The following FRAS1 variants were observed in gnomAD, a reference collection of about 807,000 sequenced individuals.
The protein encoded by FRAS1 is extracellular matrix organizing protein FRAS1.
In FRAS1, 290 loss-of-function variants were observed where a neutral mutation model predicts 435.2. The ratio of observed to expected loss-of-function variants is 0.67; its 90% confidence interval spans 0.61 to 0.73. FRAS1 has a LOEUF of 0.73. FRAS1 is among the 30% of genes least tolerant of loss of function. The pLI is 0.00. For missense variants in FRAS1, 4,860 were observed against 5,001.5 expected (o/e 0.97, Z 0.85); for synonymous variants, 1,800 against 1,851.0 (o/e 0.97, Z 0.71).
At chr4:78,304,158 T>A (rs1728576971) in intron 14 of FRAS1, among the ~76,000 whole-genome samples, 1 of 150,194 alleles carries the variant, frequency 6.7e-6, no homozygotes, top group Admixed American at 6.6e-5. Context: ...TGGATTACAT[T>A]TATTGATTTG....
chr4:78,229,657 A>T (rs574592218), intron 2 of FRAS1, among the ~76,000 whole-genome samples: 4 of 152,062 alleles, frequency 2.6e-5, no homozygotes, highest in African/African-American at 9.6e-5. Context: ...AAATGGTAAG[A>T]CTGCTGTACA....
intron 18 of FRAS1, among the ~76,000 whole-genome samples, chr4:78,325,697 G>T (rs545247060): frequency 6.6e-6 from 1 of 152,340 alleles, no homozygotes; most frequent in South Asian, 2.1e-4. Context: ...TCAACTAGGA[G>T]AGACTGATGT....
intron 59 of FRAS1, 101 bp from the exon 60 acceptor site, chr4:78,496,704 T>C (rs1406328742): frequency 2.7e-6 from 3 of 1,127,230 alleles, no homozygotes; most frequent in Non-Finnish European, 3.9e-6. Context: ...TTGTGTGGAC[T>C]TTTTGATGCA....
chr4:78,486,466 G>A (rs1184285520), intron 58 of FRAS1, among the ~76,000 whole-genome samples: 5 of 152,148 alleles, frequency 3.3e-5, no homozygotes, highest in Non-Finnish European at 7.4e-5. Flanking sequence ...TACCCAATGT[G>A]AGCCCATGCG....
chr4:78,412,690 T>C (rs944133664), intron 31 of FRAS1, among the ~76,000 whole-genome samples: 2 of 152,246 alleles, frequency 1.3e-5, no homozygotes, highest in African/African-American at 4.8e-5. Context: ...CATATGAATA[T>C]TCACTATTTC....
chr4:78,466,317 T>C lies in FRAS1; in HGVS notation c.7139T>C (p.Ile2380Thr), dbSNP rs1560743553. ...ACCTCCACCTTCACCATGAAAGATA[T>C]CTACCAGAACCGGGTCAGCTACAGC... ...HLTSTFTMKD[I>T]YQNRVSYSHD... The change falls in exon 50 of 74, where the codon ATC becomes ACC. Residue 2380 changes from isoleucine (I) to threonine (T), a missense_variant. Coordinates refer to ENST00000512123, the MANE Select transcript of FRAS1 (RefSeq NM_025074.7). The C allele has an allele frequency of 6.2e-7, 1 of 1,613,720 alleles. No individual in the cohort carries two copies. Among genetic ancestry groups the C allele is most frequent in the South Asian group, 1.1e-5 (1 of 91,084 alleles).
chr4:78,249,158 G>A (rs1725413093), intron 4 of FRAS1, among the ~76,000 whole-genome samples: 1 of 143,270 alleles, frequency 7.0e-6, no homozygotes, highest in South Asian at 2.3e-4. Flanking sequence ...CACTCACTCT[G>A]GGGAAGGAGG....
At position 78,387,698 on chromosome 4, in the gene FRAS1, T is replaced by C; in HGVS notation, c.3972T>C (p.Pro1324=). ...TACTGTTCCAAGTGAAGACCGTGCCTCAGGTAGGTGTCATTCCTAGAGTTA... is the reference window on the plus strand; with the variant it reads ...TACTGTTCCAAGTGAAGACCGTGCCCCAGGTAGGTGTCATTCCTAGAGTTA... ...HNILFQVKTV[P]QNDRGLQLVA... is the part of the protein sequence containing the mutation. Residue 1324 remains proline (P), a synonymous_variant, in exon 29 of 74, where the codon CCT becomes CCC. Transcript: ENST00000512123. 6.6e-7 allele frequency: 1 copy of C among 1,517,022 alleles called. No homozygotes were observed. Among genetic ancestry groups the C allele is most frequent in the Non-Finnish European group, 8.9e-7 (1 of 1,128,410 alleles). The allele number at this position is 1,517,022 out of a possible 1,614,324, so 94.0% of individuals were successfully genotyped here. A position where few individuals can be genotyped will look rare whatever the true frequency, so the allele number is the denominator to read the frequency against.
At chr4:78,278,097 C>G (rs934453188) in intron 9 of FRAS1, among the ~76,000 whole-genome samples, 12 of 152,182 alleles carry the variant, frequency 7.9e-5, no homozygotes, top group Non-Finnish European at 2.9e-5. Context: ...CCACGACTGG[C>G]CATCCTCTTA....
intron 9 of FRAS1, among the ~76,000 whole-genome samples, chr4:78,268,550 G>A (rs1726491140): frequency 6.6e-6 from 1 of 152,212 alleles, no homozygotes; most frequent in African/African-American, 2.4e-5. Context: ...TGCCTCGGCA[G>A]TCTGCCCAGA....
intron 2 of FRAS1, among the ~76,000 whole-genome samples, chr4:78,073,329 T>A (rs753366202): frequency 1.1e-4 from 17 of 152,328 alleles, no homozygotes; most frequent in Middle Eastern, 3.4e-3. Context: ...TAGGAACAGA[T>A]GTTTTAAGTT....
intron 61 of FRAS1, among the ~76,000 whole-genome samples, chr4:78,506,966 G>A (rs1385063387): frequency 6.6e-6 from 1 of 152,158 alleles, no homozygotes; most frequent in Non-Finnish European, 1.5e-5. Flanking sequence ...CTTTGTGGAG[G>A]CTGGCTTGGT....
chr4:78,468,812 A>G (rs995263596), intron 50 of FRAS1, among the ~76,000 whole-genome samples: 1 of 152,220 alleles, frequency 6.6e-6, no homozygotes, highest in Admixed American at 6.5e-5. Flanking sequence ...AGTGAGCGGC[A>G]TATGTACACC....
chr4:78,301,230 T>C (rs1250386015), intron 14 of FRAS1, among the ~76,000 whole-genome samples: 2 of 152,190 alleles, frequency 1.3e-5, no homozygotes, highest in East Asian at 3.8e-4. Context: ...GGTGCTCCAC[T>C]GTGAAAGAAA....
At chr4:78,354,531 C>G (rs1730774029) in intron 20 of FRAS1, among the ~76,000 whole-genome samples, 1 of 152,134 alleles carries the variant, frequency 6.6e-6, no homozygotes, top group African/African-American at 2.4e-5. Flanking sequence ...CCATACTTAT[C>G]TCACAAGCAG....
intron 14 of FRAS1, among the ~76,000 whole-genome samples, chr4:78,304,984 C>CCTGCTT (rs1307237961): frequency 1.4e-4 from 22 of 152,162 alleles, no homozygotes; most frequent in African/African-American, 5.1e-4. Context: ...TTCCTGCTTT[C>CCTGCTT]TCTTGTGGGC....
chr4:78,181,773 T>C (rs1722013902), intron 2 of FRAS1: 7 of 1,610,914 alleles, frequency 4.3e-6, no homozygotes, highest in Non-Finnish European at 5.9e-6. Context: ...GTCTCCTCTT[T>C]CTTGTCAACC....
chr4:78,444,990 G>T (rs1369949926), intron 41 of FRAS1, among the ~76,000 whole-genome samples: 1 of 152,188 alleles, frequency 6.6e-6, no homozygotes, highest in Non-Finnish European at 1.5e-5. Flanking sequence ...GAGGTCCAAT[G>T]AAAACATGCT....
chr4:78,203,086 A>G (rs1723111141), intron 2 of FRAS1, among the ~76,000 whole-genome samples: 1 of 152,248 alleles, frequency 6.6e-6, no homozygotes, highest in Non-Finnish European at 1.5e-5. Context: ...CCATTTCATA[A>G]TGCCAATTTT....
Sources: allele counts gnomAD v4.1 joint callset (sites outside exome capture counted in the v4.1 genomes callset), GRCh38; gene constraint gnomAD v4.1.1; transcripts MANE v1.5; gene names NCBI Gene and HGNC (gene_info 2026-07-23, HGNC 2026-07-21).